Variants in FOXN3 observed in about 807,000 individuals in gnomAD.
The protein encoded by FOXN3 is forkhead box N3.
A neutral mutation model predicts 38.4 loss-of-function variants in FOXN3; 7 were observed. The ratio of observed to expected loss-of-function variants is 0.18; its 90% confidence interval spans 0.10 to 0.34. The LOEUF (loss-of-function observed/expected upper bound fraction) is 0.34, where lower values mean the gene tolerates loss of function less well. Among genes scored for constraint, FOXN3 ranks in the 10% least tolerant of loss-of-function variants. The pLI is 1.00. For synonymous variants in FOXN3, 230 were observed against 242.2 expected (o/e 0.95, Z 0.47); for missense variants, 456 against 613.4 (o/e 0.74, Z 2.71).
intron 3 of FOXN3, among the ~76,000 whole-genome samples, chr14:89,345,982 G>A (rs556394195): frequency 3.9e-5 from 6 of 152,322 alleles, no homozygotes; most frequent in Admixed American, 3.3e-4. Context: ...GAACCTGAGC[G>A]GCAGAGATCG....
intron 2 of FOXN3, among the ~76,000 whole-genome samples, chr14:89,377,383 G>A (rs1436795908): frequency 1.3e-5 from 2 of 152,150 alleles, no homozygotes; most frequent in Admixed American, 6.5e-5. Context: ...ATATGGACTA[G>A]ATGACAGACA....
intron 5 of FOXN3, among the ~76,000 whole-genome samples, chr14:89,177,087 TG>T (rs1375994903): frequency 6.7e-6 from 1 of 148,838 alleles, no homozygotes; most frequent in Non-Finnish European, 1.5e-5. Flanking sequence ...TTCGGCTCAC[TG>T]CAACCTCCAC....
intron 1 of FOXN3, among the ~76,000 whole-genome samples, chr14:89,613,148 C>A (rs894049241): frequency 4.2e-5 from 6 of 141,898 alleles, no homozygotes; most frequent in Non-Finnish European, 9.1e-5. Context: ...AAAACTCTTA[C>A]ATTATCTAAA....
intron 5 of FOXN3, among the ~76,000 whole-genome samples, chr14:89,172,436 C>T (rs1019313192): frequency 1.3e-5 from 2 of 152,166 alleles, no homozygotes; most frequent in Admixed American, 6.5e-5. Flanking sequence ...AGATTCCATA[C>T]CACTCTAGTC....
chr14:89,496,810 G>T (rs1893693131), intron 1 of FOXN3, among the ~76,000 whole-genome samples: 1 of 152,032 alleles, frequency 6.6e-6, no homozygotes, highest in African/African-American at 2.4e-5. Context: ...CCAGCCCTTG[G>T]TAGCCTTCAT....
intron 1 of FOXN3, among the ~76,000 whole-genome samples, chr14:89,438,350 A>G (rs1275103954): frequency 1.3e-5 from 2 of 152,266 alleles, no homozygotes; most frequent in South Asian, 4.1e-4. Flanking sequence ...CGCCTTATAT[A>G]TGAAAGAAAC....
chr14:89,308,181 T>C (rs1466477924), intron 3 of FOXN3, among the ~76,000 whole-genome samples: 1 of 152,132 alleles, frequency 6.6e-6, no homozygotes, highest in Non-Finnish European at 1.5e-5. Flanking sequence ...ACGAGAATCA[T>C]TTGAACCTGG....
At chr14:89,443,519 A>G (rs1892429707) in intron 1 of FOXN3, among the ~76,000 whole-genome samples, 1 of 152,228 alleles carries the variant, frequency 6.6e-6, no homozygotes, top group African/African-American at 2.4e-5. Flanking sequence ...AAATACAAAT[A>G]GTGCCTGGGA....
chr14:89,524,645 T>C (rs1004144237), intron 1 of FOXN3, among the ~76,000 whole-genome samples: 11 of 151,782 alleles, frequency 7.2e-5, no homozygotes, highest in African/African-American at 2.7e-4. Flanking sequence ...TCTACAGATA[T>C]TAAAAGTATA....
intron 2 of FOXN3, among the ~76,000 whole-genome samples, chr14:89,381,989 G>A (rs893476523): frequency 2.0e-5 from 3 of 152,078 alleles, no homozygotes; most frequent in Non-Finnish European, 4.4e-5. Flanking sequence ...CCTGTCAATT[G>A]ATTATCCTCT....
intron 3 of FOXN3, among the ~76,000 whole-genome samples, chr14:89,328,093 G>A (rs1457317824): frequency 4.6e-5 from 7 of 152,226 alleles, no homozygotes; most frequent in Admixed American, 4.6e-4. Context: ...AGCCAGGATC[G>A]TTAAACTACA....
At chr14:89,520,514 C>T (rs966945758) in intron 1 of FOXN3, among the ~76,000 whole-genome samples, 4 of 152,050 alleles carry the variant, frequency 2.6e-5, no homozygotes, top group Non-Finnish European at 5.9e-5. Flanking sequence ...GAGTGGAAAG[C>T]CCCAAGTTTT....
intron 1 of FOXN3, among the ~76,000 whole-genome samples, chr14:89,457,101 C>T (rs141568769): frequency 4.2e-4 from 64 of 152,342 alleles, no homozygotes; most frequent in Middle Eastern, 3.4e-3. Flanking sequence ...TTCAAGTCTA[C>T]AGCTTGACTC....
chr14:89,541,474 C>A (rs1157841857), intron 1 of FOXN3, among the ~76,000 whole-genome samples: 5 of 152,138 alleles, frequency 3.3e-5, no homozygotes, highest in African/African-American at 9.7e-5. Flanking sequence ...CCCACCAGCA[C>A]CACAACAGTT....
chr14:89,585,032 T>C (rs189309205), intron 1 of FOXN3, among the ~76,000 whole-genome samples: 7 of 152,346 alleles, frequency 4.6e-5, no homozygotes, highest in South Asian at 4.1e-4. Flanking sequence ...TCTTTTCAAA[T>C]TGTCCATTTT....
In FOXN3 at chr14:89,548,017, A is replaced by G. The variant is rs555948499; in HGVS notation, c.-15+71011T>C. 3.3e-5 allele frequency among the ~76,000 whole-genome samples: 5 copies of G among 152,338 alleles called. No individual in the cohort carries two copies. In the East Asian group the frequency reaches 7.7e-4, roughly 23 times the overall value. On this transcript the variant is annotated intron_variant, in intron 1 of 6. Coordinates refer to the FOXN3 transcript ENST00000345097. This position sits in a 1 kb window ranked among gnomAD's most constrained non-coding sequence, Gnocchi z 4.8. ...GAGAAAGTAGGAGGTGGAAGGGGGA[A>G]CTGGCAAAGGGAAAATACTTTCTCT...
chr14:89,549,459 G>A (rs756432206), intron 1 of FOXN3, among the ~76,000 whole-genome samples: 6 of 152,010 alleles, frequency 3.9e-5, no homozygotes, highest in Non-Finnish European at 5.9e-5. Context: ...GAAAACATCC[G>A]GAAAGACGCA....
chr14:89,502,900 T>C (rs1314509900), intron 1 of FOXN3, among the ~76,000 whole-genome samples: 1 of 152,164 alleles, frequency 6.6e-6, no homozygotes, highest in Non-Finnish European at 1.5e-5. Context: ...TCATGCAAGA[T>C]ACAAACTTTC....
chr14:89,605,391 G>T (rs1896251021), intron 1 of FOXN3, among the ~76,000 whole-genome samples: 1 of 151,798 alleles, frequency 6.6e-6, no homozygotes, highest in South Asian at 2.1e-4. Flanking sequence ...ACCACTAAAT[G>T]AATCATATAG....
Sources: allele counts gnomAD v4.1 joint callset (sites outside exome capture counted in the v4.1 genomes callset), GRCh38; gene constraint gnomAD v4.1.1; non-coding constraint Gnocchi (gnomAD v3.1); transcripts MANE v1.5; gene names NCBI Gene and HGNC (gene_info 2026-07-23, HGNC 2026-07-21).